Variants in VPS13A observed in about 807,000 individuals in gnomAD.
VPS13A encodes the protein vacuolar protein sorting 13 homolog A.
A neutral mutation model predicts 390.9 loss-of-function variants in VPS13A; 264 were observed. The ratio of observed to expected loss-of-function variants is 0.68; its 90% CI spans 0.61 to 0.75. The LOEUF (loss-of-function observed/expected upper bound fraction) is 0.75, where lower values mean the gene tolerates loss of function less well. VPS13A is among the 30% of genes least tolerant of loss of function. VPS13A has a pLI of 0.00. For missense variants in VPS13A, 3,409 were observed against 3,733.9 expected, an observed-to-expected ratio of 0.91 and a Z score of 2.27; for synonymous variants, 1,231 against 1,227.1, an observed-to-expected ratio of 1.00 and a Z score of -0.07.
chr9:77,237,855 T>A, intron 17 of VPS13A, 147 bp from the exon 18 acceptor site: 6 of 624,056 alleles, frequency 9.6e-6, no homozygotes, highest in Non-Finnish European at 1.7e-5. Flanking sequence ...TTTAGAGGAA[T>A]CATTGTATGT....
chr9:77,316,718 T>C (rs1242182159), intron 39 of VPS13A, among the ~76,000 whole-genome samples: 2 of 152,082 alleles, frequency 1.3e-5, no homozygotes, highest in Non-Finnish European at 2.9e-5. Flanking sequence ...TTTGGACTTT[T>C]AAGACTTTCT....
intron 21 of VPS13A, among the ~76,000 whole-genome samples, 198 bp downstream of exon 21, chr9:77,250,427 A>G (rs1240862937): frequency 6.6e-6 from 1 of 152,182 alleles, no homozygotes; most frequent in East Asian, 1.9e-4. Context: ...ATCTGGAGAC[A>G]TCTTTGGTTG....
intron 71 of VPS13A, among the ~76,000 whole-genome samples, chr9:77,408,568 C>A (rs997534641): frequency 1.3e-5 from 2 of 152,196 alleles, no homozygotes; most frequent in African/African-American, 4.8e-5. Flanking sequence ...CAGATGGCAC[C>A]TGGAAAATCG....
At chr9:77,273,114 G>A (rs530489421) in intron 23 of VPS13A, among the ~76,000 whole-genome samples, 166 bp from the exon 24 acceptor site, 8 of 152,198 alleles carry the variant, frequency 5.3e-5, no homozygotes, top group African/African-American at 1.9e-4. Context: ...TTTAAAATCT[G>A]CGTTTTATAA....
intron 71 of VPS13A, 95 bp downstream of exon 71, chr9:77,407,702 GTTTTT>G: frequency 1.0e-6 from 1 of 977,382 alleles, no homozygotes; most frequent in South Asian, 1.4e-5. Flanking sequence ...TTGTTTGGGG[GTTTTT>G]GTTTGTTTGT....
At chr9:77,394,903 ATAGT>A (rs1444096999) in intron 68 of VPS13A, among the ~76,000 whole-genome samples, 1 of 152,154 alleles carries the variant, frequency 6.6e-6, no homozygotes, top group African/African-American at 2.4e-5. Flanking sequence ...ATAATTGAAG[ATAGT>A]TAGGGCCTTG....
At chr9:77,236,173 A>C (rs1465141186) in intron 17 of VPS13A, among the ~76,000 whole-genome samples, 2 of 152,204 alleles carry the variant, frequency 1.3e-5, no homozygotes, top group Non-Finnish European at 2.9e-5. Flanking sequence ...ACATAACCCC[A>C]TTATAAGTCA....
intron 68 of VPS13A, among the ~76,000 whole-genome samples, chr9:77,399,682 T>C (rs1319951748): frequency 6.6e-6 from 1 of 152,106 alleles, no homozygotes; most frequent in Non-Finnish European, 1.5e-5. Context: ...TTTTCAGATA[T>C]CAAAAAACTG....
rs753711996 is a variant in VPS13A, at chr9:77,357,736, G to A, written c.7851G>A (p.Pro2617=). 6.8e-6 allele frequency: 11 copies of A among 1,613,722 alleles called. No individual in the cohort carries two copies. The highest frequency in any genetic ancestry group is 1.1e-5 in the South Asian group (1 of 91,072). ...GTCATAACATGAAAATTCTGCAGCC[G>A]CATGTAATAGCTCTACGAAGAAATT... ...PTGHNMKILQ[P]HVIALRRNYL... Residue 2617 remains proline (P), a synonymous_variant, in exon 56 of 72, where the codon CCG becomes CCA. Coordinates refer to ENST00000360280, the MANE Select transcript of VPS13A (RefSeq NM_033305.3).
intron 23 of VPS13A, among the ~76,000 whole-genome samples, chr9:77,271,701 A>G (rs567680547): frequency 6.6e-6 from 1 of 152,148 alleles, no homozygotes; most frequent in Non-Finnish European, 1.5e-5. Context: ...ACTCCAGGGC[A>G]TTTTAGGGAA....
At position 77,412,853 on chromosome 9, in the gene VPS13A, T is replaced by C. The variant is rs534944673; in HGVS notation, c.9475-3103T>C. ...ATGATTGTATATCTAGAAAACCCCA[T>C]CGTCTCAGCCCCAAATCTCCTTAAG... is the stretch of plus-strand genomic sequence containing the variant. On this transcript the variant is annotated intron_variant, in intron 71 of 71. Coordinates refer to ENST00000360280, the MANE Select transcript of VPS13A (RefSeq NM_033305.3). Among the ~76,000 whole-genome samples, 139 of 152,262 alleles carry C rather than the reference T, an allele frequency of 9.1e-4. 2 individuals are homozygous for C. The highest frequency in any genetic ancestry group is 4.8e-3 in the South Asian group (23 of 4,824).
At chr9:77,392,214 A>G (rs527837601) in intron 68 of VPS13A, among the ~76,000 whole-genome samples, 16 of 152,334 alleles carry the variant, frequency 1.1e-4, no homozygotes, top group African/African-American at 3.6e-4. Context: ...AACTTGAAGC[A>G]TTGCAAGAGA....
At chr9:77,256,577 G>A (rs1380720852) in intron 22 of VPS13A, among the ~76,000 whole-genome samples, 1 of 152,086 alleles carries the variant, frequency 6.6e-6, no homozygotes, top group Non-Finnish European at 1.5e-5. Context: ...AGTATTGACA[G>A]TGAGATATTG....
intron 35 of VPS13A, among the ~76,000 whole-genome samples, chr9:77,311,472 C>G (rs914982167): frequency 6.6e-6 from 1 of 152,068 alleles, no homozygotes; most frequent in Non-Finnish European, 1.5e-5. Flanking sequence ...CTAAATGTCT[C>G]ATTACAAGGC....
intron 23 of VPS13A, among the ~76,000 whole-genome samples, chr9:77,267,770 C>T (rs752041086): frequency 4.6e-5 from 7 of 152,294 alleles, no homozygotes; most frequent in East Asian, 3.9e-4. Flanking sequence ...CACCCACAGC[C>T]GCCCCTTCCC....
chr9:77,317,470 G>A (rs1054819523), intron 39 of VPS13A, 136 bp from the exon 40 acceptor site: 2 of 591,614 alleles, frequency 3.4e-6, no homozygotes, highest in Non-Finnish European at 3.0e-6. Context: ...ATTAAGGAGT[G>A]TATTATTAAG....
intron 7 of VPS13A, 51 bp from the exon 8 acceptor site, chr9:77,212,918 T>G: frequency 6.4e-7 from 1 of 1,570,266 alleles, no homozygotes; most frequent in Non-Finnish European, 8.8e-7. Context: ...ATTACTCTGC[T>G]GTTTCAAATG....
intron 17 of VPS13A, among the ~76,000 whole-genome samples, chr9:77,228,657 A>T (rs1387621563): frequency 6.6e-6 from 1 of 152,120 alleles, no homozygotes; most frequent in African/African-American, 2.4e-5. Flanking sequence ...TAGTAATTTC[A>T]CATTGGTATA....
Position 77,295,533 on chromosome 9 carries a change from A to G in VPS13A, c.3508-9A>G, listed in dbSNP as rs765612230. 28 of 1,593,172 alleles carry G rather than the reference A, an allele frequency of 1.8e-5. No homozygotes were observed. The highest frequency in any genetic ancestry group is 2.2e-5 in the Non-Finnish European group (26 of 1,167,422). On this transcript the variant is annotated splice_polypyrimidine_tract_variant and intron_variant, in intron 32 of 71. Coordinates refer to ENST00000360280, the MANE Select transcript of VPS13A (RefSeq NM_033305.3). The stretch of plus-strand genomic sequence containing the variant: ...ATAACCTTAAGAATATAATTCTGTT[A>G]TCTTACAGGCTTTTATAGATAATTT...
Sources: allele counts gnomAD v4.1 joint callset (sites outside exome capture counted in the v4.1 genomes callset), GRCh38; gene constraint gnomAD v4.1.1; transcripts MANE v1.5; gene names NCBI Gene and HGNC (gene_info 2026-07-23, HGNC 2026-07-21).